The following MYO16 variants were observed in gnomAD, a reference collection of about 807,000 sequenced individuals.
The protein encoded by MYO16 is myosin XVI.
In MYO16, 94 loss-of-function variants were observed where a neutral mutation model predicts 205.3. The observed-to-expected ratio is 0.46, with a 90% confidence interval of 0.39 to 0.54. MYO16 has a LOEUF of 0.54. Among genes scored for constraint, MYO16 ranks in the 20% least tolerant of loss-of-function variants. MYO16 has a pLI of 0.00. For missense variants in MYO16, 2,315 were observed against 2,387.5 expected (o/e 0.97, Z 0.63); for synonymous variants, 988 against 954.0 (o/e 1.04, Z -0.66).
At chr13:109,099,245 A>T (rs1227532970) in intron 27 of MYO16, among the ~76,000 whole-genome samples, 1 of 152,228 alleles carries the variant, frequency 6.6e-6, no homozygotes, top group Non-Finnish European at 1.5e-5. Flanking sequence ...CAAATAAGAA[A>T]ATCGCTCAAA....
chr13:109,005,111 A>G (rs993812140), intron 21 of MYO16, among the ~76,000 whole-genome samples: 3 of 152,208 alleles, frequency 2.0e-5, no homozygotes, highest in African/African-American at 7.2e-5. Flanking sequence ...AAATCCAGTA[A>G]CCACAGAGGG....
chr13:108,519,737 T>C, the MYO16 span, among the ~76,000 whole-genome samples: 9 of 151,736 alleles, frequency 5.9e-5, no homozygotes, highest in African/African-American at 2.2e-4. Context: ...TATCTAAGCA[T>C]TATGCAAAAA....
intron 27 of MYO16, among the ~76,000 whole-genome samples, chr13:109,090,588 G>A (rs745431843): frequency 1.3e-5 from 2 of 152,208 alleles, no homozygotes; most frequent in African/African-American, 4.8e-5. Flanking sequence ...CTGCCCTGCA[G>A]TGTGGGCGTG....
At chr13:108,760,660 A>G (rs774309551) in intron 4 of MYO16, among the ~76,000 whole-genome samples, 1 of 152,212 alleles carries the variant, frequency 6.6e-6, no homozygotes, top group Non-Finnish European at 1.5e-5. Context: ...TTTCAATGCC[A>G]TATGTTCTCA....
intron 2 of MYO16, among the ~76,000 whole-genome samples, chr13:108,703,078 C>T (rs543196741): frequency 1.8e-4 from 27 of 152,116 alleles, no homozygotes; most frequent in African/African-American, 6.0e-4. Context: ...ATAAATCCTA[C>T]TTTATCAGTA....
intron 28 of MYO16, among the ~76,000 whole-genome samples, chr13:109,102,496 G>A (rs1421522373): frequency 7.3e-6 from 1 of 137,434 alleles, no homozygotes; most frequent in Non-Finnish European, 1.7e-5. Flanking sequence ...ATATGTATAT[G>A]TGTGTGTGTG....
chr13:108,736,303 T>A (rs1004801309), intron 4 of MYO16, among the ~76,000 whole-genome samples: 26 of 152,144 alleles, frequency 1.7e-4, no homozygotes, highest in African/African-American at 6.0e-4. Flanking sequence ...CTTTAATCCA[T>A]CTCGAATTAA....
intron 11 of MYO16, 81 bp downstream of exon 11, chr13:108,855,634 C>A: frequency 1.1e-6 from 1 of 949,374 alleles, no homozygotes; most frequent in Non-Finnish European, 1.6e-6. Flanking sequence ...TCAAATGTTG[C>A]AAGTAAAGGG....
At position 109,204,500 on chromosome 13, in the gene MYO16, G is replaced by A. The variant is rs76219684; in HGVS notation, c.5416-2109G>A. Among the ~76,000 whole-genome samples the A allele has an allele frequency of 5.4e-3, 825 of 152,280 alleles. 9 individuals are homozygous for A. The highest frequency in any genetic ancestry group is 0.018 in the African/African-American group (764 of 41,552). On this transcript the variant is annotated intron_variant, in intron 34 of 34. Coordinates refer to ENST00000457511, the MANE Select transcript of MYO16 (RefSeq NM_001198950.3). Reference sequence around the variant, plus strand: ...TGGCACACACTCCTGGACAAACATAGATGACTGTGGTCCCATTCAGAAAAA... The same window carrying A: ...TGGCACACACTCCTGGACAAACATAAATGACTGTGGTCCCATTCAGAAAAA...
intron 20 of MYO16, among the ~76,000 whole-genome samples, chr13:108,971,761 G>T (rs1594436609): frequency 6.6e-6 from 1 of 151,954 alleles, no homozygotes; most frequent in Non-Finnish European, 1.5e-5. Flanking sequence ...TCATGAGTTA[G>T]TTATTTGGTT....
At chr13:108,713,716 T>A (rs1883813365) in intron 3 of MYO16, among the ~76,000 whole-genome samples, 1 of 152,170 alleles carries the variant, frequency 6.6e-6, no homozygotes, top group Non-Finnish European at 1.5e-5. Flanking sequence ...ATGCAAGTTA[T>A]TATACAGTCA....
chr13:108,797,682 A>T (rs575697895), intron 6 of MYO16, among the ~76,000 whole-genome samples: 1 of 152,350 alleles, frequency 6.6e-6, no homozygotes, highest in African/African-American at 2.4e-5. Context: ...GGATTGAGTT[A>T]TTTAATTAAT....
intron 27 of MYO16, among the ~76,000 whole-genome samples, chr13:109,068,642 A>G (rs1268468154): frequency 6.9e-6 from 1 of 144,206 alleles, no homozygotes; most frequent in African/African-American, 2.6e-5. Context: ...CCCAAGCTGG[A>G]GTGCAATGGC....
intron 1 of MYO16, among the ~76,000 whole-genome samples, chr13:108,657,002 G>T (rs1291094585): frequency 6.6e-6 from 1 of 152,158 alleles, no homozygotes; most frequent in Non-Finnish European, 1.5e-5. Context: ...CCTCTAAGAG[G>T]CTCACCTAAG....
chr13:108,901,548 A>G (rs889682224), intron 15 of MYO16, among the ~76,000 whole-genome samples: 3 of 152,204 alleles, frequency 2.0e-5, no homozygotes, highest in African/African-American at 4.8e-5. Context: ...TAAATTCAAT[A>G]TAATTTCAGA....
At position 108,883,102 on chromosome 13, in the gene MYO16, C is replaced by T. The variant is rs368452940; in HGVS notation, c.1469C>T (p.Ser490Leu). 24 of 1,613,968 alleles carry T rather than the reference C, an allele frequency of 1.5e-5. No individual in the cohort carries two copies. The highest frequency in any genetic ancestry group is 2.7e-5 in the African/African-American group (2 of 74,918). Reference sequence around the variant, plus strand: ...AGCTCCTCAGGGAAGCTGTGTTCCTCGCTGCCTCCTCACCTCTTCTCCTGT... The same window carrying T: ...AGCTCCTCAGGGAAGCTGTGTTCCTTGCTGCCTCCTCACCTCTTCTCCTGT... Reference protein sequence around the residue: ...YFSSSGKLCSSLPPHLFSCVE... With the variant: ...YFSSSGKLCSLLPPHLFSCVE... The change falls in exon 13 of 35, where the codon TCG (serine) becomes TTG (leucine). Residue 490 changes from serine (S) to leucine (L), a missense_variant. Coordinates refer to ENST00000457511, the MANE Select transcript of MYO16 (RefSeq NM_001198950.3).
intron 1 of MYO16, among the ~76,000 whole-genome samples, chr13:108,619,687 C>A (rs1879471685): frequency 6.6e-6 from 1 of 152,044 alleles, no homozygotes. Flanking sequence ...AGGCAGTTTG[C>A]CCGCTGTGAC....
chr13:108,612,061 C>G, intron 1 of MYO16, among the ~76,000 whole-genome samples: 1 of 136,310 alleles, frequency 7.3e-6, no homozygotes, highest in Non-Finnish European at 1.5e-5. Context: ...AGACTCTTTA[C>G]TTTCTTCACA....
chr13:108,550,216 C>T, the MYO16 span, among the ~76,000 whole-genome samples: 2 of 152,266 alleles, frequency 1.3e-5, no homozygotes, highest in African/African-American at 4.8e-5. Flanking sequence ...GCTGGGGGTG[C>T]TACTGCCATG....
Sources: gnomAD v4.1 joint callset for allele counts (sites outside exome capture counted in the v4.1 genomes callset) on GRCh38, gnomAD v4.1.1 for gene constraint, MANE v1.5 for transcripts, NCBI Gene and HGNC (gene_info 2026-07-23, HGNC 2026-07-21) for gene names.